BCR: variants seen among roughly 807,000 people sequenced by gnomAD.
BCR encodes breakpoint cluster region protein.
In BCR, 58 loss-of-function variants were observed where a neutral mutation model predicts 138.6. The ratio of observed to expected loss-of-function variants is 0.42; its 90% CI spans 0.34 to 0.52. BCR has a LOEUF of 0.52. Ranked by LOEUF, BCR falls within the 20% of genes least tolerant of loss-of-function variation. The probability of loss-of-function intolerance (pLI) is 0.06; values close to 1 mark genes in which losing one functional copy is unlikely to be tolerated. For synonymous variants in BCR, 786 were observed against 730.1 expected (o/e 1.08, Z -1.23); for missense variants, 1,599 against 1,727.2 (o/e 0.93, Z 1.32).
intron 1 of BCR, among the ~76,000 whole-genome samples, chr22:23,222,829 A>G (rs1453226497): frequency 6.6e-6 from 1 of 152,186 alleles, no homozygotes; most frequent in East Asian, 1.9e-4. Flanking sequence ...TCTGATAAAG[A>G]CTAACAAGGT....
chr22:23,189,722 A>G (rs28709343), intron 1 of BCR, among the ~76,000 whole-genome samples: 4,609 of 152,102 alleles, frequency 0.03, 249 homozygotes, highest in African/African-American at 0.11. Flanking sequence ...GGCTGGTCTC[A>G]ATCGTTTGAC....
chr22:23,294,526 A>G (rs542054494), intron 15 of BCR, among the ~76,000 whole-genome samples: 6 of 152,264 alleles, frequency 3.9e-5, no homozygotes, highest in African/African-American at 1.4e-4. Context: ...TCAGCCTTAC[A>G]AGTAGCTGGG....
At position 23,204,802 on chromosome 22, in the gene BCR, G is replaced by C. The variant is rs988769028; in HGVS notation, c.1279+22563G>C. 2.0e-5 allele frequency among the ~76,000 whole-genome samples: 3 copies of C among 152,198 alleles called. 1 individual carries two copies. The highest frequency in any genetic ancestry group is 4.4e-5 in the Non-Finnish European group (3 of 68,036). ...CAGCGGGAGGCCCTGCCGTCCGCGT[G>C]GATGGGGGAGACGGCAGCATGGGGG... is the stretch of plus-strand genomic sequence containing the variant. On this transcript the variant is annotated intron_variant, in intron 1 of 22. Coordinates refer to ENST00000305877, the MANE Select transcript of BCR (RefSeq NM_004327.4).
intron 5 of BCR, among the ~76,000 whole-genome samples, chr22:23,269,395 C>T (rs16998920): frequency 0.056 from 8,460 of 152,274 alleles, 802 homozygotes; most frequent in African/African-American, 0.19. Flanking sequence ...AGAAAGCCCT[C>T]CGTGTGAGAA....
intron 5 of BCR, among the ~76,000 whole-genome samples, chr22:23,270,557 G>C (rs1266148050): frequency 6.6e-6 from 1 of 152,162 alleles, no homozygotes; most frequent in Non-Finnish European, 1.5e-5. Flanking sequence ...ATATACAGAA[G>C]AACAGTCACT....
chr22:23,300,760 G>C (rs1952461057), intron 16 of BCR, among the ~76,000 whole-genome samples: 1 of 152,118 alleles, frequency 6.6e-6, no homozygotes, highest in South Asian at 2.1e-4. Flanking sequence ...GAGAAGTCTG[G>C]GAAACTCCAG....
chr22:23,314,487 C>A, intron 21 of BCR, 65 bp from the exon 22 acceptor site: 1 of 1,580,950 alleles, frequency 6.3e-7, no homozygotes, highest in East Asian at 2.3e-5. Flanking sequence ...CAGCACAGCC[C>A]AGCCCCTCTG....
rs140290911 is a variant in BCR at position 23,222,839 on chromosome 22, T to C, written c.1280-30960T>C. Among the ~76,000 whole-genome samples, 408 of 152,246 alleles carry C rather than the reference T, an allele frequency of 2.7e-3. 2 individuals are homozygous for C. Among genetic ancestry groups the C allele is most frequent in the African/African-American group, 9.4e-3 (392 of 41,528 alleles). The stretch of plus-strand genomic sequence containing the variant: ...CTGCTTCTGATAAAGACTAACAAGG[T>C]GTCTTAGTCTGTTCAGGCTGCCATA... On this transcript the variant is annotated intron_variant, in intron 1 of 22. Coordinates refer to ENST00000305877, the MANE Select transcript of BCR (RefSeq NM_004327.4).
At chr22:23,263,329 T>G in intron 4 of BCR, 1 of 1,191,124 alleles carries the variant, frequency 8.4e-7, no homozygotes, top group Non-Finnish European at 1.2e-6. Flanking sequence ...TGCGACCTGC[T>G]CCGGCGCCAG....
intron 10 of BCR, among the ~76,000 whole-genome samples, chr22:23,285,953 C>T (rs1003995240): frequency 1.3e-5 from 2 of 152,216 alleles, no homozygotes; most frequent in African/African-American, 2.4e-5. Flanking sequence ...GAGAGGCTTC[C>T]GGGTTCTCAC....
chr22:23,189,489 T>G (rs1004816142), intron 1 of BCR, among the ~76,000 whole-genome samples: 39 of 152,102 alleles, frequency 2.6e-4, no homozygotes, highest in African/African-American at 9.4e-4. Context: ...TCTCAGTCTT[T>G]TCTTTTTTTT....
chr22:23,261,312 C>T, intron 3 of BCR, 43 bp from the exon 4 acceptor site: 2 of 1,578,496 alleles, frequency 1.3e-6, no homozygotes, highest in Non-Finnish European at 8.6e-7. Flanking sequence ...TGACGGATGG[C>T]AGCCCCTCTC....
intron 8 of BCR, among the ~76,000 whole-genome samples, chr22:23,277,603 G>C (rs144178258): frequency 0.011 from 1,652 of 152,312 alleles, 74 homozygotes; most frequent in Admixed American, 0.087. Context: ...AGCTGCTTCT[G>C]TTGGCCTGGG....
At chr22:23,217,772 A>T (rs1405250035) in intron 1 of BCR, among the ~76,000 whole-genome samples, 1 of 152,238 alleles carries the variant, frequency 6.6e-6, no homozygotes, top group Non-Finnish European at 1.5e-5. Context: ...AAATAAATAC[A>T]TGGGAAACCG....
chr22:23,236,979 C>T (rs2073033592), intron 1 of BCR, among the ~76,000 whole-genome samples: 1 of 152,172 alleles, frequency 6.6e-6, no homozygotes, highest in African/African-American at 2.4e-5. Context: ...TGTTATTCTT[C>T]CACCTGAGGA....
At chr22:23,211,600 T>C (rs1017840614) in intron 1 of BCR, among the ~76,000 whole-genome samples, 17 of 152,136 alleles carry the variant, frequency 1.1e-4, no homozygotes, top group Non-Finnish European at 1.9e-4. Context: ...TTCTCCTGCC[T>C]CAGCCTCCCG....
chr22:23,206,941 TCCTCCCTC>T (rs933721388), intron 1 of BCR, among the ~76,000 whole-genome samples: 21 of 30,022 alleles, frequency 7.0e-4, no homozygotes, highest in Middle Eastern at 0.024. Context: ...ATCCATTCAT[TCCTCCCTC>T]CCTCCCTCCC....
At chr22:23,232,161 A>T (rs1435381907) in intron 1 of BCR, among the ~76,000 whole-genome samples, 1 of 152,188 alleles carries the variant, frequency 6.6e-6, no homozygotes, top group Non-Finnish European at 1.5e-5. Context: ...CTGGTTTTAG[A>T]GCTCCTGGCC....
intron 16 of BCR, among the ~76,000 whole-genome samples, chr22:23,295,542 G>C (rs2073835893): frequency 6.6e-6 from 1 of 152,000 alleles, no homozygotes; most frequent in African/African-American, 2.4e-5. Context: ...GAGGCTGCCT[G>C]CAAGCACAGG....
Sources: allele counts gnomAD v4.1 joint callset (sites outside exome capture counted in the v4.1 genomes callset), GRCh38; gene constraint gnomAD v4.1.1; transcripts MANE v1.5; gene names NCBI Gene and HGNC (gene_info 2026-07-23, HGNC 2026-07-21).